The following UGT2B15 variants were observed in gnomAD, a reference collection of about 807,000 sequenced individuals.
UGT2B15 encodes the protein UDP-glucuronosyltransferase 2B15.
Under a neutral mutation model 45.9 loss-of-function variants are expected in UGT2B15, and 36 were observed. The ratio of observed to expected loss-of-function variants is 0.78; its 90% CI spans 0.60 to 1.04. The LOEUF (loss-of-function observed/expected upper bound fraction) is 1.04. Among genes scored for constraint, UGT2B15 ranks in the 50% least tolerant of loss-of-function variants. The pLI is 0.00. For missense variants in UGT2B15, 617 were observed against 622.4 expected, an observed-to-expected ratio of 0.99 and a Z score of 0.09; for synonymous variants, 219 against 216.4, an observed-to-expected ratio of 1.01 and a Z score of -0.11.
chr4:68,648,193 G>C (rs1472512102), intron 5 of UGT2B15, among the ~76,000 whole-genome samples: 1 of 151,998 alleles, frequency 6.6e-6, no homozygotes, highest in Admixed American at 6.6e-5. Flanking sequence ...ATTTCCATCT[G>C]GTTTCTTGTT....
chr4:68,663,409 A>G (rs1479951111), intron 2 of UGT2B15, among the ~76,000 whole-genome samples: 2 of 152,250 alleles, frequency 1.3e-5, no homozygotes, highest in Non-Finnish European at 2.9e-5. Flanking sequence ...CTGCAGTAGG[A>G]GGAGATAATG....
chr4:68,655,903 A>C (rs1732789889), intron 3 of UGT2B15, among the ~76,000 whole-genome samples: 1 of 152,064 alleles, frequency 6.6e-6, no homozygotes, highest in Non-Finnish European at 1.5e-5. Context: ...CAGGGTTCAT[A>C]TTTTGGTAAC....
chr4:68,668,742 C>T (rs1379693697), intron 1 of UGT2B15, among the ~76,000 whole-genome samples: 1 of 149,488 alleles, frequency 6.7e-6, no homozygotes, highest in Non-Finnish European at 1.5e-5. Flanking sequence ...TCCCCTTAGC[C>T]TTTCACCATG....
Position 68,647,041 on chromosome 4 carries a change from T to A in UGT2B15, c.*63A>T. 9 of 1,550,336 alleles carry A rather than the reference T, an allele frequency of 5.8e-6. No homozygotes were observed. The highest frequency in any genetic ancestry group is 1.9e-5 in the Admixed American group (1 of 51,842). Reference sequence around the variant, plus strand: ...AAAGGAAATCCTCCATTTAAAACCCTCCATGCTGAAATAAAGGAGGAGTCC... The same window carrying A: ...AAAGGAAATCCTCCATTTAAAACCCACCATGCTGAAATAAAGGAGGAGTCC... On this transcript the variant is annotated 3_prime_UTR_variant, in exon 6 of 6. Coordinates refer to ENST00000338206, the MANE Select transcript of UGT2B15 (RefSeq NM_001076.4).
intron 4 of UGT2B15, among the ~76,000 whole-genome samples, chr4:68,654,473 G>A (rs1240426547): frequency 6.8e-6 from 1 of 146,836 alleles, no homozygotes; most frequent in African/African-American, 2.5e-5. Flanking sequence ...GCAAAAAAAA[G>A]AATAAGATTG....
intron 2 of UGT2B15, among the ~76,000 whole-genome samples, chr4:68,667,201 C>T (rs1009891810): frequency 3.3e-5 from 5 of 150,266 alleles, no homozygotes; most frequent in South Asian, 2.1e-4. Context: ...CTCGCTCTGT[C>T]GCACAGGCTA....
chr4:68,652,233 C>G (rs1298681631), intron 5 of UGT2B15, among the ~76,000 whole-genome samples: 2 of 151,824 alleles, frequency 1.3e-5, no homozygotes, highest in African/African-American at 4.8e-5. Flanking sequence ...ATTTTTGTAT[C>G]CAGAGGCTTT....
At chr4:68,666,593 T>G (rs1733126453) in intron 2 of UGT2B15, among the ~76,000 whole-genome samples, 1 of 151,952 alleles carries the variant, frequency 6.6e-6, no homozygotes, top group Non-Finnish European at 1.5e-5. Flanking sequence ...CTTTACATTT[T>G]ACAAACTTGC....
chr4:68,666,358 T>C (rs1405372857), intron 2 of UGT2B15, among the ~76,000 whole-genome samples: 2 of 152,120 alleles, frequency 1.3e-5, no homozygotes, highest in East Asian at 1.9e-4. Flanking sequence ...AAGACTGATA[T>C]CTTAAATGGC....
Position 68,670,240 on chromosome 4 carries a change from G to T in UGT2B15, c.379C>A (p.Leu127Ile), listed in dbSNP as rs762977244. The T allele has an allele frequency of 1.2e-6, 2 of 1,613,960 alleles. No homozygotes were observed. The highest frequency in any genetic ancestry group is 3.3e-5 in the Admixed American group (2 of 59,940). Residue 127 changes from leucine to isoleucine, a missense_variant, in exon 1 of 6, where the codon CTC becomes ATC. Transcript: ENST00000338206. ...TTATTCAAAACTGCATCTTTACAGA[G>T]CTTGTTACTGTAGTCATAATATTCC... ...CWEYYDYSNK[L>I]CKDAVLNKKL...
chr4:68,648,003 T>C (rs1165603772), intron 5 of UGT2B15, among the ~76,000 whole-genome samples: 1 of 152,058 alleles, frequency 6.6e-6, no homozygotes, highest in African/African-American at 2.4e-5. Flanking sequence ...CCTACAGACA[T>C]GAACCACTGT....
intron 5 of UGT2B15, among the ~76,000 whole-genome samples, chr4:68,652,755 T>G (rs1732694727): frequency 6.6e-6 from 1 of 150,600 alleles, no homozygotes; most frequent in Non-Finnish European, 1.5e-5. Context: ...TGGAAGAAAA[T>G]ATTTGAAAAT....
chr4:68,668,134 C>T lies in UGT2B15; in HGVS notation c.779G>A (p.Arg260Gln), dbSNP rs371697004. ...AGGAAATTCAAAATCCCAATAGGTT[C>T]GAATGAGCCACATTTCAGCTTTCCC... ...TMGKAEMWLI[R>Q]TYWDFEFPRP... Residue 260 changes from arginine to glutamine, a missense_variant, in exon 2 of 6, where the codon CGA (arginine) becomes CAA (glutamine). Around this residue, in one of 3 missense-constraint regions of UGT2B15, gnomAD observed 351 missense variants for 342.1 expected, o/e 1.03. Transcript: ENST00000338206. 3.4e-5 allele frequency: 55 copies of T among 1,613,536 alleles called. No homozygotes were observed. In the Middle Eastern group the frequency reaches 4.9e-4, roughly 14 times the overall value.
chr4:68,665,864 T>A (rs1733103749), intron 2 of UGT2B15, among the ~76,000 whole-genome samples: 1 of 152,072 alleles, frequency 6.6e-6, no homozygotes, highest in South Asian at 2.1e-4. Flanking sequence ...CTGGCCAACA[T>A]GGTGAAACTC....
chr4:68,650,958 G>T (rs1238088734), intron 5 of UGT2B15, among the ~76,000 whole-genome samples: 4 of 141,860 alleles, frequency 2.8e-5, no homozygotes, highest in Middle Eastern at 3.7e-3. Flanking sequence ...TTTAAGAAGT[G>T]TCTGTTTATA....
intron 2 of UGT2B15, among the ~76,000 whole-genome samples, chr4:68,663,511 A>T (rs1005947051): frequency 4.0e-5 from 6 of 151,670 alleles, no homozygotes; most frequent in Admixed American, 1.3e-4. Context: ...TTCAATTCTA[A>T]TTTTTTTTGT....
intron 4 of UGT2B15, among the ~76,000 whole-genome samples, 164 bp downstream of exon 4, chr4:68,654,931 A>T (rs1204291725): frequency 1.3e-5 from 2 of 152,164 alleles, no homozygotes; most frequent in East Asian, 3.8e-4. Flanking sequence ...ACTATAGTGC[A>T]TTCTTTTTAT....
intron 3 of UGT2B15, among the ~76,000 whole-genome samples, chr4:68,656,844 G>A (rs1732819839): frequency 6.6e-6 from 1 of 151,920 alleles, no homozygotes; most frequent in Non-Finnish European, 1.5e-5. Flanking sequence ...TGAATGACCT[G>A]ATCTCTTTGG....
At chr4:68,654,015 G>T (rs1416364324) in intron 5 of UGT2B15, 22 bp downstream of exon 5, 17 of 1,603,724 alleles carry the variant, frequency 1.1e-5, no homozygotes, top group Non-Finnish European at 1.4e-5. Flanking sequence ...ATACCACCTG[G>T]TCACAAAACT....
Sources: allele counts gnomAD v4.1 joint callset (sites outside exome capture counted in the v4.1 genomes callset), GRCh38; gene constraint gnomAD v4.1.1; regional missense constraint gnomAD v4.1.1; transcripts MANE v1.5; gene names NCBI Gene and HGNC (gene_info 2026-07-23, HGNC 2026-07-21).